ANGEL2: variants seen among roughly 807,000 people sequenced by gnomAD.
The protein encoded by ANGEL2 is angel homolog 2, also known as RNA 2',3'-cyclic phosphatase ANGEL2.
A neutral mutation model predicts 66.0 loss-of-function variants in ANGEL2; 41 were observed. That is an observed-to-expected ratio of 0.62 (90% CI 0.48 to 0.81). The LOEUF is 0.81. Ranked by LOEUF, ANGEL2 falls within the 30% of genes least tolerant of loss-of-function variation. The pLI, the probability that ANGEL2 is intolerant of heterozygous loss-of-function variation, is 0.00. For missense variants in ANGEL2, 561 were observed against 641.6 expected (o/e 0.87, Z 1.36); for synonymous variants, 208 against 226.5 (o/e 0.92, Z 0.73).
In ANGEL2 at chr1:213,013,212, T is replaced by C. The variant is rs780801410; in HGVS notation, c.266A>G (p.Gln89Arg). Reference sequence around the variant, plus strand: ...AGGTCTCCAGTTACAGTACTGGAACTGAGTTCTAGACTCAAACAAACAGGG... The same window carrying C: ...AGGTCTCCAGTTACAGTACTGGAACCGAGTTCTAGACTCAAACAAACAGGG... The part of the protein sequence containing the change: ...RPPCLFESRT[Q>R]FQYCNWRPDN... The change falls in exon 2 of 9, where the codon CAG becomes CGG. Residue 89 changes from glutamine to arginine, a missense_variant. Gln to Arg is a conservative substitution (Grantham distance 43). Transcript: ENST00000366962. The C allele has an allele frequency of 1.9e-6, 3 of 1,614,084 alleles. No homozygotes were observed. Among genetic ancestry groups the C allele is most frequent in the Non-Finnish European group, 1.7e-6 (2 of 1,180,020 alleles).
At chr1:213,010,098 A>G (rs992584378) in intron 2 of ANGEL2, among the ~76,000 whole-genome samples, 2 of 151,900 alleles carry the variant, frequency 1.3e-5, no homozygotes, top group Non-Finnish European at 2.9e-5. Context: ...CAAACTAAAC[A>G]AAAGTCTTCA....
At chr1:213,014,221 T>A (rs2076580106) in intron 1 of ANGEL2, among the ~76,000 whole-genome samples, 1 of 152,232 alleles carries the variant, frequency 6.6e-6, no homozygotes, top group African/African-American at 2.4e-5. Flanking sequence ...ACTATACTAC[T>A]TTGGCAAAAT....
chr1:212,996,637 AAAAAT>A (rs2076022003), intron 8 of ANGEL2, among the ~76,000 whole-genome samples: 4 of 51,134 alleles, frequency 7.8e-5, no homozygotes, highest in African/African-American at 1.5e-4. Flanking sequence ...AAAAAAAAAA[AAAAAT>A]ATATATATAT....
At position 213,011,463 on chromosome 1, in the gene ANGEL2, G is replaced by A. The variant is rs530979324; in HGVS notation, c.385+1630C>T. 18 of 1,114,760 alleles carry A rather than the reference G, an allele frequency of 1.6e-5. No individual in the cohort carries two copies. The African/African-American group carries it at 2.8e-4, about 17-fold the overall frequency. 69.1% of individuals were successfully genotyped at this position (1,114,760 alleles called of 1,614,324 possible). ...CATTTTCCTTATTCACAACACCTAG[G>A]AAGAATGGACATATAGAAAGTCAGG... On this transcript the variant is annotated intron_variant, in intron 2 of 8. Transcript: ENST00000366962.
Position 213,013,089 on chromosome 1 carries a change from T to C in ANGEL2, c.385+4A>G. On this transcript the variant is annotated splice_donor_region_variant and intron_variant, in intron 2 of 8. Transcript: ENST00000366962. Reference sequence around the variant, plus strand: ...TTCTACACCAAGATAAATGTCACCTTTACCTTGGTGTTTTCTTCGTTTTGA... The same window carrying C: ...TTCTACACCAAGATAAATGTCACCTCTACCTTGGTGTTTTCTTCGTTTTGA... 2 of 1,611,272 alleles carry C rather than the reference T, an allele frequency of 1.2e-6. No individual in the cohort carries two copies. The highest frequency in any genetic ancestry group is 1.7e-4 in the Middle Eastern group (1 of 5,950).
intron 4 of ANGEL2, 197 bp downstream of exon 4, chr1:213,006,932 A>T (rs2076346402): frequency 2.3e-6 from 1 of 435,514 alleles, no homozygotes; most frequent in Non-Finnish European, 4.0e-6. Flanking sequence ...TCTCTATAAA[A>T]AAAATTAAAT....
chr1:213,002,635 T>G (rs951302446), intron 5 of ANGEL2, among the ~76,000 whole-genome samples: 1 of 152,198 alleles, frequency 6.6e-6, no homozygotes, highest in African/African-American at 2.4e-5. Flanking sequence ...TAAAAATTGT[T>G]GGCCAGGTGC....
At chr1:213,015,558 C>T in intron 1 of ANGEL2, 55 bp downstream of exon 1, 2 of 1,603,014 alleles carry the variant, frequency 1.2e-6, no homozygotes, top group Non-Finnish European at 1.7e-6. Flanking sequence ...CGCCCGCCCG[C>T]TCTTTCAGGC....
chr1:212,997,198 A>G lies in ANGEL2; in HGVS notation c.1440T>C (p.Tyr480=). ...CHSRSAITVD[Y]IFYSAEKEDV... The stretch of plus-strand genomic sequence containing the variant: ...CTTCCTTTTCTGCAGAGTAGAAAAT[A>G]TAATCCACAGTTATGGCACTTCGGG... The change falls in exon 8 of 9, where the codon TAT becomes TAC. Residue 480 remains tyrosine (Y), a synonymous_variant. Transcript: ENST00000366962. 6.2e-7 allele frequency: 1 copy of G among 1,613,974 alleles called. No individual in the cohort carries two copies. Among genetic ancestry groups the G allele is most frequent in the Non-Finnish European group, 8.5e-7 (1 of 1,179,858 alleles).
intron 5 of ANGEL2, among the ~76,000 whole-genome samples, chr1:213,002,405 C>T (rs1045612547): frequency 6.6e-6 from 1 of 152,194 alleles, no homozygotes; most frequent in African/African-American, 2.4e-5. Context: ...TTTGTTTTTC[C>T]ACTGACATAG....
At chr1:213,012,290 C>G (rs1331745509) in intron 2 of ANGEL2, among the ~76,000 whole-genome samples, 1 of 4,290 alleles carries the variant, frequency 2.3e-4, no homozygotes, top group African/African-American at 2.6e-4. Context: ...ATCCTTCTCT[C>G]AAGTTATCTT....
intron 3 of ANGEL2, 31 bp downstream of exon 3, chr1:213,008,179 G>A (rs1402764865): frequency 6.3e-7 from 1 of 1,598,114 alleles, no homozygotes; most frequent in Non-Finnish European, 8.5e-7. Context: ...TTTTTCTTAT[G>A]TGAAGAATTT....
Position 213,008,454 on chromosome 1 carries a change from C to T in ANGEL2, c.398G>A (p.Arg133Gln), listed in dbSNP as rs201421894. 6.1e-5 allele frequency: 99 copies of T among 1,612,512 alleles called. No homozygotes were observed. The highest frequency in any genetic ancestry group is 7.5e-5 in the Non-Finnish European group (88 of 1,179,362). Residue 133 changes from arginine (R) to glutamine (Q), a missense_variant, in exon 3 of 9, where the codon CGG (arginine) becomes CAG (glutamine). Physicochemically the swap from Arg to Gln is conservative, Grantham distance 43. Transcript: ENST00000366962. ...ATGGCTACATATATATTCCCAATTC[C>T]GCTTTATCACACCTGTTAAAATATA... ...KRRKHQGVIK[R>Q]NWEYICSHDK...
At position 213,015,792 on chromosome 1, in the gene ANGEL2, G is replaced by A; in HGVS notation, c.-121C>T. On this transcript the variant is annotated 5_prime_UTR_variant, in exon 1 of 9. The change creates a premature stop within an existing upstream ORF in the 5' untranslated region. Coordinates refer to ENST00000366962, the MANE Select transcript of ANGEL2 (RefSeq NM_144567.5). ...ACTCTTAAGTACCGACTCCAGTCCTGGCTGCAAGGCATGCTGGGAGGTGCA... is the reference window on the plus strand; with the variant it reads ...ACTCTTAAGTACCGACTCCAGTCCTAGCTGCAAGGCATGCTGGGAGGTGCA... 7.4e-7 allele frequency: 1 copy of A among 1,343,274 alleles called. No individual in the cohort carries two copies. Among genetic ancestry groups the A allele is most frequent in the Non-Finnish European group, 1.0e-6 (1 of 960,100 alleles). The allele number at this position is 1,343,274 out of a possible 1,614,324, so 83.2% of individuals were successfully genotyped here.
chr1:212,997,090 C>G (rs2076045111), intron 8 of ANGEL2, 65 bp downstream of exon 8: 2 of 1,440,962 alleles, frequency 1.4e-6, no homozygotes, highest in Non-Finnish European at 1.9e-6. Flanking sequence ...GCTTTCTTAA[C>G]TTTAACCTTG....
chr1:212,993,811 A>C lies in ANGEL2; in HGVS notation c.*1230T>G, dbSNP rs1270500461. 1 of 152,222 alleles carries C rather than the reference A, an allele frequency of 6.6e-6. No individual in the cohort carries two copies. Among genetic ancestry groups the C allele is most frequent in the East Asian group, 1.9e-4 (1 of 5,200 alleles). The allele number at this position is 152,222 out of a possible 1,614,324, so 9.4% of individuals were successfully genotyped here. On this transcript the variant is annotated 3_prime_UTR_variant, in exon 9 of 9. Coordinates refer to ENST00000366962, the MANE Select transcript of ANGEL2 (RefSeq NM_144567.5). ...CTATTTACAGAGCATTAGGTCTCCA[A>C]GTTAATATCTCCCCACTAGAGTTTT...
chr1:212,994,277 C>CA lies in ANGEL2; in HGVS notation c.*763dup, dbSNP rs2075939440. The CA allele has an allele frequency of 2.0e-5, 3 of 152,008 alleles. No individual in the cohort carries two copies. Among genetic ancestry groups the CA allele is most frequent in the Admixed American group, 6.6e-5 (1 of 15,238 alleles). 9.4% of individuals were successfully genotyped at this position (152,008 alleles called of 1,614,324 possible). A position where few individuals can be genotyped will look rare whatever the true frequency, so the allele number is the denominator to read the frequency against. ...AGCCTGGGCAACAAGAGTGAAACTC[C>CA]ATCTCAAAAAATAAAATAAAATAAA... On this transcript the variant is annotated 3_prime_UTR_variant, in exon 9 of 9. Transcript: ENST00000366962.
intron 2 of ANGEL2, chr1:213,011,528 A>G: frequency 2.0e-6 from 2 of 1,005,040 alleles, no homozygotes; most frequent in Non-Finnish European, 2.4e-6. Flanking sequence ...GTAATTCCCC[A>G]TCCATTAAGG....
intron 3 of ANGEL2, among the ~76,000 whole-genome samples, chr1:213,008,005 A>G (rs1367656734): frequency 1.3e-5 from 2 of 152,148 alleles, no homozygotes; most frequent in East Asian, 1.9e-4. Context: ...CTGGGATTAC[A>G]GGCATGAGCC....
Sources: allele counts gnomAD v4.1 joint callset (sites outside exome capture counted in the v4.1 genomes callset), GRCh38; gene constraint gnomAD v4.1.1; transcripts MANE v1.5; gene names NCBI Gene and HGNC (gene_info 2026-07-23, HGNC 2026-07-21).